Variants in SPATS2 observed in about 807,000 individuals in gnomAD.
The protein encoded by SPATS2 is spermatogenesis-associated serine-rich protein 2.
A neutral mutation model predicts 63.7 loss-of-function variants in SPATS2; 38 were observed. That is an observed-to-expected ratio of 0.60 (90% confidence interval 0.46 to 0.78). The LOEUF (loss-of-function observed/expected upper bound fraction) is 0.78, where lower values mean the gene tolerates loss of function less well. SPATS2 is among the 30% of genes least tolerant of loss of function. The pLI is 0.00. For missense variants in SPATS2, 588 were observed against 666.2 expected (o/e 0.88, Z 1.29); for synonymous variants, 207 against 232.9 (o/e 0.89, Z 1.01).
chr12:49,461,170 G>T (rs548532064), intron 3 of SPATS2, 133 bp downstream of exon 3: 4 of 912,136 alleles, frequency 4.4e-6, no homozygotes, highest in Non-Finnish European at 5.0e-6. Context: ...TTAGATTATC[G>T]CTTTGTGTAT....
chr12:49,437,423 G>A (rs1018928642), intron 2 of SPATS2, among the ~76,000 whole-genome samples: 1 of 152,176 alleles, frequency 6.6e-6, no homozygotes, highest in African/African-American at 2.4e-5. Context: ...TTCCCAGACG[G>A]GGTGGTGGCC....
intron 9 of SPATS2, among the ~76,000 whole-genome samples, chr12:49,512,640 C>A (rs1019283393): frequency 1.3e-5 from 2 of 152,208 alleles, no homozygotes; most frequent in African/African-American, 4.8e-5. Context: ...AAAGTGTCAT[C>A]TGACATTCTA....
At chr12:49,457,966 C>T (rs1945748429) in intron 2 of SPATS2, among the ~76,000 whole-genome samples, 3 of 152,088 alleles carry the variant, frequency 2.0e-5, no homozygotes, top group Admixed American at 2.0e-4. Flanking sequence ...TCCTGAGGTC[C>T]CACTGTGGTT....
chr12:49,411,117 C>T (rs975395749), intron 2 of SPATS2, among the ~76,000 whole-genome samples: 1 of 152,112 alleles, frequency 6.6e-6, no homozygotes, highest in Non-Finnish European at 1.5e-5. Flanking sequence ...AGAGCCCATA[C>T]TGATATTTAA....
chr12:49,484,265 G>A (rs1946252697), intron 3 of SPATS2, among the ~76,000 whole-genome samples: 1 of 152,152 alleles, frequency 6.6e-6, no homozygotes, highest in Non-Finnish European at 1.5e-5. Context: ...ATTTTACCAT[G>A]GGGAGCTATT....
chr12:49,450,618 A>G (rs1048523806), intron 2 of SPATS2, among the ~76,000 whole-genome samples: 1 of 151,998 alleles, frequency 6.6e-6, no homozygotes, highest in Non-Finnish European at 1.5e-5. Flanking sequence ...ATCTTGGCTC[A>G]CTGCAACCTC....
intron 2 of SPATS2, among the ~76,000 whole-genome samples, chr12:49,377,734 T>C (rs1246532121): frequency 6.6e-6 from 1 of 152,170 alleles, no homozygotes; most frequent in Non-Finnish European, 1.5e-5. Flanking sequence ...AGTATAGTTA[T>C]TTCTATGTAT....
chr12:49,521,031 A>G (rs777485728), intron 11 of SPATS2, among the ~76,000 whole-genome samples: 34 of 152,130 alleles, frequency 2.2e-4, no homozygotes, highest in Non-Finnish European at 4.3e-4. Context: ...ATTCTTATAT[A>G]AAGAACAGTG....
intron 7 of SPATS2, among the ~76,000 whole-genome samples, chr12:49,495,684 C>T (rs1344649252): frequency 6.6e-6 from 1 of 152,112 alleles, no homozygotes; most frequent in Non-Finnish European, 1.5e-5. Context: ...AAAAAAATTG[C>T]AGCCTCCGGC....
At chr12:49,458,210 T>C (rs746976567) in intron 2 of SPATS2, among the ~76,000 whole-genome samples, 1 of 152,214 alleles carries the variant, frequency 6.6e-6, no homozygotes, top group Non-Finnish European at 1.5e-5. Context: ...GGCTCATGCC[T>C]GTAATCCCAC....
At chr12:49,465,267 C>T (rs1378429202) in intron 3 of SPATS2, among the ~76,000 whole-genome samples, 1 of 152,144 alleles carries the variant, frequency 6.6e-6, no homozygotes, top group Non-Finnish European at 1.5e-5. Context: ...AACTTCCAGA[C>T]TGTTTTCCAA....
intron 2 of SPATS2, among the ~76,000 whole-genome samples, chr12:49,405,449 G>A (rs918423346): frequency 6.6e-6 from 1 of 152,168 alleles, no homozygotes. Flanking sequence ...TGAATTTGCA[G>A]CACTTTGGGA....
intron 2 of SPATS2, among the ~76,000 whole-genome samples, chr12:49,424,477 G>T (rs1279309854): frequency 6.6e-6 from 1 of 152,122 alleles, no homozygotes; most frequent in Non-Finnish European, 1.5e-5. Flanking sequence ...ATTATAATAG[G>T]TAGACTTGTT....
At chr12:49,390,010 C>T in intron 2 of SPATS2, 1 of 870,930 alleles carries the variant, frequency 1.1e-6, no homozygotes, top group Non-Finnish European at 2.0e-6. Flanking sequence ...GGAACAAGAA[C>T]TAATATTTCA....
intron 3 of SPATS2, among the ~76,000 whole-genome samples, chr12:49,468,023 A>G (rs563795224): frequency 6.6e-6 from 1 of 151,878 alleles, no homozygotes; most frequent in African/African-American, 2.4e-5. Context: ...ATGAGCCACC[A>G]CACCTGACCT....
rs964851741 is a variant in SPATS2 at position 49,417,840 on chromosome 12, A to G, written c.-243-42930A>G. Among the ~76,000 whole-genome samples, 6 of 152,194 alleles carry G rather than the reference A, an allele frequency of 3.9e-5. No homozygotes were observed. In the East Asian group the frequency reaches 1.2e-3, roughly 29 times the overall value. ...TTTTTCTTGGTATCCAGATCTGTAC[A>G]TTGTTGAATTTGGGGTAGAGGGAAA... On this transcript the variant is annotated intron_variant, in intron 2 of 13. Coordinates refer to ENST00000552918, the MANE Select transcript of SPATS2 (RefSeq NM_023071.4).
intron 2 of SPATS2, among the ~76,000 whole-genome samples, chr12:49,454,566 GAC>G (rs777949441): frequency 6.6e-6 from 1 of 152,132 alleles, no homozygotes; most frequent in Non-Finnish European, 1.5e-5. Flanking sequence ...AGGATTGAGA[GAC>G]ACATATCACC....
intron 3 of SPATS2, among the ~76,000 whole-genome samples, chr12:49,464,770 A>C (rs947564893): frequency 6.6e-6 from 1 of 152,112 alleles, no homozygotes; most frequent in Admixed American, 6.6e-5. Context: ...TTGAGGCTAC[A>C]GTGAGCTATG....
At chr12:49,394,204 G>A (rs1944467865) in intron 2 of SPATS2, among the ~76,000 whole-genome samples, 1 of 152,002 alleles carries the variant, frequency 6.6e-6, no homozygotes, top group South Asian at 2.1e-4. Flanking sequence ...CGGGCTTCAT[G>A]GTGCACACCT....
Sources: gnomAD v4.1 joint callset for allele counts (sites outside exome capture counted in the v4.1 genomes callset) on GRCh38, gnomAD v4.1.1 for gene constraint, MANE v1.5 for transcripts, NCBI Gene and HGNC (gene_info 2026-07-23, HGNC 2026-07-21) for gene names.